The following LUC7L2 variants were observed in gnomAD, a reference collection of about 807,000 sequenced individuals.
LUC7L2 encodes the protein putative RNA-binding protein Luc7-like 2.
A neutral mutation model predicts 52.8 loss-of-function variants in LUC7L2; 25 were observed. The ratio of observed to expected loss-of-function variants is 0.47; its 90% CI spans 0.34 to 0.66. LUC7L2 has a LOEUF of 0.66. LUC7L2 is among the 30% of genes least tolerant of loss of function. The pLI, the probability that LUC7L2 is intolerant of heterozygous loss-of-function variation, is 0.01. For synonymous variants in LUC7L2, 144 were observed against 160.9 expected (o/e 0.89, Z 0.80); for missense variants, 328 against 497.8 (o/e 0.66, Z 3.25).
At chr7:139,377,337 T>C (rs1184567032) in intron 2 of LUC7L2, among the ~76,000 whole-genome samples, 1 of 152,180 alleles carries the variant, frequency 6.6e-6, no homozygotes, top group Admixed American at 6.5e-5. Context: ...CCGGTGTAGC[T>C]GGAATCACAG....
chr7:139,402,387 G>A (rs544174915), intron 4 of LUC7L2, 140 bp downstream of exon 4: 46 of 764,678 alleles, frequency 6.0e-5, no homozygotes, highest in African/African-American at 5.9e-4. Flanking sequence ...GTCTGCCCCA[G>A]TGTAAACATC....
Position 139,341,389 on chromosome 7 carries a change from C to T in LUC7L2, c.-26+872C>T, listed in dbSNP as rs1798950198. 2.5e-6 allele frequency: 4 copies of T among 1,612,364 alleles called. No homozygotes were observed. In the East Asian group the frequency reaches 8.9e-5, roughly 36 times the overall value. ...CGCTCGGAGAAGGACAGGACAATGG[C>T]GGCCTTAGGGTCCCCGTCGCACACT... On this transcript the variant is annotated intron_variant, in intron 1 of 10. Transcript: ENST00000541170.
At chr7:139,390,127 T>C (rs1585105985) in intron 2 of LUC7L2, among the ~76,000 whole-genome samples, 1 of 152,172 alleles carries the variant, frequency 6.6e-6, no homozygotes, top group African/African-American at 2.4e-5. Context: ...CACTCCAGGT[T>C]GGAAGGTCAG....
upstream of LUC7L2, chr7:139,359,712 C>A (rs1250221731): frequency 5.0e-6 from 2 of 398,624 alleles, no homozygotes; most frequent in Non-Finnish European, 8.8e-6. Context: ...ATCCGGCTTG[C>A]ACAGTCAGTT....
At chr7:139,368,703 A>C (rs1459522155) in intron 1 of LUC7L2, among the ~76,000 whole-genome samples, 2 of 148,056 alleles carry the variant, frequency 1.4e-5, no homozygotes, top group East Asian at 3.9e-4. Flanking sequence ...GTGCCAATGC[A>C]CTCCAGCCTG....
chr7:139,341,062 C>G (rs1258860597), intron 1 of LUC7L2: 1 of 251,772 alleles, frequency 4.0e-6, no homozygotes, highest in Non-Finnish European at 7.5e-6. Context: ...GCCCGCTTCT[C>G]CTGAGACTCA....
At chr7:139,375,985 G>C (rs989456687) in intron 1 of LUC7L2, 77 bp from the exon 2 acceptor site, 1 of 1,463,622 alleles carries the variant, frequency 6.8e-7, no homozygotes, top group Non-Finnish European at 9.4e-7. Context: ...CACATAAAAA[G>C]CTAGTAATAG....
chr7:139,375,871 C>A, intron 1 of LUC7L2, 191 bp from the exon 2 acceptor site: 1 of 556,984 alleles, frequency 1.8e-6, no homozygotes, highest in Non-Finnish European at 3.1e-6. Context: ...ATTATGTATG[C>A]AGTACACTTA....
At chr7:139,360,883 G>C (rs1311259216) in intron 1 of LUC7L2, among the ~76,000 whole-genome samples, 2 of 152,202 alleles carry the variant, frequency 1.3e-5, no homozygotes, top group Non-Finnish European at 2.9e-5. Flanking sequence ...GGTTTCTTAA[G>C]TGGGTGTGTT....
chr7:139,412,750 G>C, intron 8 of LUC7L2, 170 bp downstream of exon 8: 1 of 664,016 alleles, frequency 1.5e-6, no homozygotes, highest in South Asian at 2.7e-5. Context: ...GCTTGAAGCC[G>C]GGAGGCAGAG....
At chr7:139,398,769 C>T in intron 3 of LUC7L2, 72 bp downstream of exon 3, 1 of 1,422,312 alleles carries the variant, frequency 7.0e-7, no homozygotes, top group Non-Finnish European at 9.6e-7. Context: ...ATTAAGATCT[C>T]TTAATAGGAA....
At chr7:139,362,587 AAGGT>A (rs1417166931) in intron 1 of LUC7L2, among the ~76,000 whole-genome samples, 1 of 151,620 alleles carries the variant, frequency 6.6e-6, no homozygotes, top group Non-Finnish European at 1.5e-5. Flanking sequence ...AGAGATGGAA[AAGGT>A]AGGTAGGAGG....
At chr7:139,362,483 G>C (rs1799938343) in intron 1 of LUC7L2, among the ~76,000 whole-genome samples, 1 of 152,060 alleles carries the variant, frequency 6.6e-6, no homozygotes, top group Non-Finnish European at 1.5e-5. Context: ...CCATTTAATG[G>C]GAACCCTTGT....
intron 1 of LUC7L2, chr7:139,375,009 T>G (rs1302375474): frequency 1.0e-6 from 1 of 985,160 alleles, no homozygotes; most frequent in African/African-American, 1.7e-5. Flanking sequence ...CTTCAGTAAT[T>G]CACCAGTAGG....
intron 1 of LUC7L2, among the ~76,000 whole-genome samples, chr7:139,346,616 G>A (rs914767834): frequency 1.3e-5 from 2 of 151,964 alleles, no homozygotes; most frequent in Non-Finnish European, 2.9e-5. Context: ...TTTTTAACTG[G>A]GCAGCCCCTG....
At chr7:139,409,686 G>T (rs377401928) in intron 7 of LUC7L2, 32 bp downstream of exon 7, 1 of 1,562,688 alleles carries the variant, frequency 6.4e-7, no homozygotes. Context: ...AATTGAAGTT[G>T]AATCTCTGTG....
intron 1 of LUC7L2, among the ~76,000 whole-genome samples, chr7:139,369,015 C>A (rs905719251): frequency 2.7e-5 from 4 of 150,750 alleles, no homozygotes; most frequent in African/African-American, 9.8e-5. Flanking sequence ...TATTTCTTTT[C>A]CTTTGGATTT....
intron 9 of LUC7L2, among the ~76,000 whole-genome samples, chr7:139,421,608 TTAATAATTGAGTAGTTCTCTTATC>T (rs1281472064): frequency 6.6e-6 from 1 of 152,242 alleles, no homozygotes; most frequent in Non-Finnish European, 1.5e-5. Context: ...TAAATTCATA[TTAATAATTGAGTAGTTCTCTTATC>T]TAAGTCAGGT....
At chr7:139,401,954 A>C (rs1415771647) in intron 3 of LUC7L2, among the ~76,000 whole-genome samples, 183 bp from the exon 4 acceptor site, 1 of 152,022 alleles carries the variant, frequency 6.6e-6, no homozygotes, top group African/African-American at 2.4e-5. Context: ...AGTTTCGCCA[A>C]GTTGGCCAGG....
Sources: allele counts gnomAD v4.1 joint callset (sites outside exome capture counted in the v4.1 genomes callset), GRCh38; gene constraint gnomAD v4.1.1; transcripts MANE v1.5; gene names NCBI Gene and HGNC (gene_info 2026-07-23, HGNC 2026-07-21).